The following NIN variants were observed in gnomAD, a reference collection of about 807,000 sequenced individuals.
NIN encodes ninein.
NIN carries 137 observed loss-of-function variants against 257.6 expected under a neutral mutation model. That is an observed-to-expected ratio of 0.53 (90% confidence interval 0.46 to 0.61). The LOEUF (loss-of-function observed/expected upper bound fraction) is 0.61. Among genes scored for constraint, NIN ranks in the 20% least tolerant of loss-of-function variants. The pLI, the probability that NIN is intolerant of heterozygous loss-of-function variation, is 0.00. For synonymous variants in NIN, 918 were observed against 919.8 expected (o/e 1.00, Z 0.04); for missense variants, 2,439 against 2,501.2 (o/e 0.98, Z 0.53).
chr14:50,760,173 A>G lies in NIN; in HGVS notation c.2083T>C (p.Cys695Arg). 3 of 1,614,096 alleles carry G rather than the reference A, an allele frequency of 1.9e-6. No homozygotes were observed. Among genetic ancestry groups the G allele is most frequent in the Non-Finnish European group, 2.5e-6 (3 of 1,180,032 alleles). Reference protein sequence around the residue: ...VLKEAHHEATCRHEEEKKQLQ... With the variant: ...VLKEAHHEATRRHEEEKKQLQ... ...TGTTTTTTCTCCTCCTCATGCCTGC[A>G]AGTGGCCTCATGATGTGCCTCCTTG... The change falls in exon 17 of 31, where the codon TGC (cysteine) becomes CGC (arginine). Residue 695 changes from cysteine (C) to arginine (R), a missense_variant. Cys to Arg is a radical substitution (Grantham distance 180). Around this residue, in one of 3 missense-constraint regions of NIN, gnomAD observed 2,043 missense variants for 2,050.2 expected, o/e 1.00. Transcript: ENST00000530997.
At chr14:50,788,067 GATGTAAAC>G (rs918742206) in intron 5 of NIN, among the ~76,000 whole-genome samples, 7 of 152,124 alleles carry the variant, frequency 4.6e-5, no homozygotes, top group African/African-American at 1.7e-4. Flanking sequence ...AGACATCATA[GATGTAAAC>G]ATGTAAACAT....
At chr14:50,779,218 T>C (rs577441101) in intron 5 of NIN, among the ~76,000 whole-genome samples, 1 of 152,354 alleles carries the variant, frequency 6.6e-6, no homozygotes, top group East Asian at 1.9e-4. Context: ...GTGCTAGGTC[T>C]TGGTAATACA....
chr14:50,763,710 ATTCT>A lies in NIN; in HGVS notation c.1774+112_1774+115del, dbSNP rs139832186. The A allele has an allele frequency of 0.2, 169,342 of 861,826 alleles. 13,008 individuals are homozygous for A. Among genetic ancestry groups the A allele is most frequent in the African/African-American group, 0.33 (18,125 of 54,398 alleles). 53.4% of individuals were successfully genotyped at this position (861,826 alleles called of 1,614,324 possible). A position where few individuals can be genotyped will look rare whatever the true frequency, so the allele number is the denominator to read the frequency against. The stretch of plus-strand genomic sequence containing the variant: ...CAGCTCAAGAAAAGAGTATGGCCAA[ATTCT>A]TTTTTTTTTTTTTCTTTTTTCAAGT... On this transcript the variant is annotated intron_variant, in intron 15 of 30. Transcript: ENST00000530997.
chr14:50,814,972 T>G (rs572361237), intron 3 of NIN, among the ~76,000 whole-genome samples: 1 of 152,226 alleles, frequency 6.6e-6, no homozygotes, highest in Non-Finnish European at 1.5e-5. Flanking sequence ...ATTCAGGACA[T>G]AGGCATGGGC....
rs547329666 is a variant in NIN, at chr14:50,818,304, C to T, written c.183+3570G>A. Among the ~76,000 whole-genome samples the T allele has an allele frequency of 2.4e-3, 265 of 112,506 alleles. 3 individuals carry two copies. The highest frequency in any genetic ancestry group is 9.0e-3 in the African/African-American group (253 of 27,996). 73.8% of individuals were successfully genotyped at this position (112,506 alleles called of 152,430 possible). A position where few individuals can be genotyped will look rare whatever the true frequency, so the allele number is the denominator to read the frequency against. On this transcript the variant is annotated intron_variant, in intron 3 of 30. Coordinates refer to ENST00000530997, the MANE Select transcript of NIN (RefSeq NM_020921.4). ...TGCCACTACACTCCAGCCTGGGCGA[C>T]GGCGAGACTCTGTCAAAAAAAAAAA...
In NIN at chr14:50,806,807, G is replaced by A; in HGVS notation, c.195C>T (p.Asp65=). ...TGAGTATTAATGCTTCTTTAAATTG[G>A]TCAAAATGTACCTAAAAAAAATTAA... The part of the protein sequence containing the change: ...QDNLLGRVHF[D]QFKEALILIL... The change falls in exon 4 of 31, where the codon GAC becomes GAT. Residue 65 remains aspartate (D), a synonymous_variant. Transcript: ENST00000530997. 1 of 1,515,592 alleles carries A rather than the reference G, an allele frequency of 6.6e-7. No individual in the cohort carries two copies. The highest frequency in any genetic ancestry group is 2.3e-5 in the East Asian group (1 of 43,734). 93.9% of individuals were successfully genotyped at this position (1,515,592 alleles called of 1,614,324 possible). A position where few individuals can be genotyped will look rare whatever the true frequency, so the allele number is the denominator to read the frequency against.
At chr14:50,787,651 A>G (rs1002675400) in intron 5 of NIN, among the ~76,000 whole-genome samples, 7 of 152,214 alleles carry the variant, frequency 4.6e-5, no homozygotes, top group African/African-American at 1.4e-4. Context: ...TTTCAATATC[A>G]CCCAAGATGA....
At chr14:50,767,804 A>G (rs373136163) in intron 12 of NIN, among the ~76,000 whole-genome samples, 27 of 151,204 alleles carry the variant, frequency 1.8e-4, no homozygotes, top group South Asian at 1.0e-3. Flanking sequence ...GCGACACAGC[A>G]AGACTCCATC....
chr14:50,791,608 T>C (rs1423747325), intron 5 of NIN, among the ~76,000 whole-genome samples: 4 of 152,210 alleles, frequency 2.6e-5, no homozygotes, highest in Non-Finnish European at 5.9e-5. Context: ...TGTGTCCTTA[T>C]AAATTTCCGT....
At chr14:50,820,600 A>G (rs903914676) in intron 3 of NIN, among the ~76,000 whole-genome samples, 7 of 152,196 alleles carry the variant, frequency 4.6e-5, no homozygotes, top group African/African-American at 1.7e-4. Flanking sequence ...ATGTGAGTGC[A>G]TGAGGAGCAA....
intron 4 of NIN, chr14:50,806,257 T>C (rs1595906456): frequency 6.6e-6 from 1 of 152,456 alleles, no homozygotes; most frequent in Non-Finnish European, 1.5e-5. Context: ...ATGAACAGCA[T>C]GGTCCTCAAG....
At chr14:50,818,148 C>T (rs192087861) in intron 3 of NIN, among the ~76,000 whole-genome samples, 367 of 151,536 alleles carry the variant, frequency 2.4e-3, no homozygotes, top group African/African-American at 7.9e-3. Context: ...ATGGTGAAAC[C>T]CTGTCTCTAC....
chr14:50,801,392 G>A (rs2044097337), intron 4 of NIN, among the ~76,000 whole-genome samples: 2 of 152,294 alleles, frequency 1.3e-5, no homozygotes, highest in South Asian at 4.1e-4. Flanking sequence ...TGCCCAGCCT[G>A]TTTTGCTTTT....
chr14:50,768,985 G>A (rs1252371634), intron 12 of NIN, among the ~76,000 whole-genome samples: 1 of 152,204 alleles, frequency 6.6e-6, no homozygotes, highest in Non-Finnish European at 1.5e-5. Flanking sequence ...TTTAGCTTCT[G>A]AGACTTACAC....
rs537522426 is a variant in NIN, at chr14:50,746,543, T to A, written c.5064+1449A>T. Among the ~76,000 whole-genome samples the A allele has an allele frequency of 1.6e-4, 24 of 152,230 alleles. No homozygotes were observed. In the South Asian group the frequency reaches 1.9e-3, roughly 12 times the overall value. On this transcript the variant is annotated intron_variant, in intron 22 of 30. Coordinates refer to ENST00000530997, the MANE Select transcript of NIN (RefSeq NM_020921.4). Reference sequence around the variant, plus strand: ...AGATCAACATAAACATAATACCAGATTTATAGACTCAATGTTTCCACATTC... The same window carrying A: ...AGATCAACATAAACATAATACCAGAATTATAGACTCAATGTTTCCACATTC...
rs6572694 is a variant in NIN, at chr14:50,761,964, G to A, written c.1775-53C>T. On this transcript the variant is annotated intron_variant, in intron 15 of 30. Transcript: ENST00000530997. Reference sequence around the variant, plus strand: ...TGCAGCAGGTTCTTTCAATAACACAGTGTGGCATCTGAGGAGGGACATCCA... The same window carrying A: ...TGCAGCAGGTTCTTTCAATAACACAATGTGGCATCTGAGGAGGGACATCCA... 1,188,464 of 1,599,876 alleles carry A rather than the reference G, an allele frequency of 0.74. 443,713 individuals carry two copies. The highest frequency in any genetic ancestry group is 0.86 in the African/African-American group (64,113 of 74,742).
chr14:50,727,422 A>C (rs1473876527), intron 29 of NIN: 34 of 1,089,684 alleles, frequency 3.1e-5, no homozygotes, highest in Non-Finnish European at 3.8e-5. Flanking sequence ...CAAGAATCTT[A>C]AATCCACACT....
rs11347875 is a variant in NIN, at chr14:50,772,010, CA to C, written c.981+290del. The C allele has an allele frequency of 0.63, 143,163 of 225,598 alleles. 46,210 individuals carry two copies. Among genetic ancestry groups the C allele is most frequent in the East Asian group, 0.78 (8,538 of 10,886 alleles). 14.0% of individuals were successfully genotyped at this position (225,598 alleles called of 1,614,324 possible). A position where few individuals can be genotyped will look rare whatever the true frequency, so the allele number is the denominator to read the frequency against. On this transcript the variant is annotated intron_variant, in intron 9 of 30. Coordinates refer to ENST00000530997, the MANE Select transcript of NIN (RefSeq NM_020921.4). ...CAAAAAAAAAACAAACAACAAAAAA[CA>C]AAAAAAAAACACAACAACAACAACA...
chr14:50,754,308 C>T (rs1380565551), intron 20 of NIN, among the ~76,000 whole-genome samples: 5 of 152,158 alleles, frequency 3.3e-5, no homozygotes, highest in African/African-American at 1.2e-4. Flanking sequence ...AGAGGTATCA[C>T]CTCCTCAATT....
Sources: allele counts gnomAD v4.1 joint callset (sites outside exome capture counted in the v4.1 genomes callset), GRCh38; gene constraint gnomAD v4.1.1; regional missense constraint gnomAD v4.1.1; transcripts MANE v1.5; gene names NCBI Gene and HGNC (gene_info 2026-07-23, HGNC 2026-07-21).